Variants in GFPT2 observed in about 807,000 individuals in gnomAD.
GFPT2 encodes glutamine--fructose-6-phosphate transaminase 2, also known as glutamine--fructose-6-phosphate aminotransferase [isomerizing] 2.
GFPT2 carries 62 observed loss-of-function variants against 85.6 expected under a neutral mutation model. That is an observed-to-expected ratio of 0.72 (90% CI 0.59 to 0.90). The LOEUF (loss-of-function observed/expected upper bound fraction) is 0.90, where lower values mean the gene tolerates loss of function less well. Ranked by LOEUF, GFPT2 falls within the 40% of genes least tolerant of loss-of-function variation. The pLI is 0.00. For missense variants in GFPT2, 788 were observed against 893.4 expected, an observed-to-expected ratio of 0.88 and a Z score of 1.50; for synonymous variants, 368 against 344.5, an observed-to-expected ratio of 1.07 and a Z score of -0.75.
chr5:180,349,065 G>A (rs1376999267), intron 1 of GFPT2, among the ~76,000 whole-genome samples: 1 of 150,700 alleles, frequency 6.6e-6, no homozygotes, highest in East Asian at 2.0e-4. Flanking sequence ...TAGAAAAGTT[G>A]CCAGTGTCCC....
intron 17 of GFPT2, among the ~76,000 whole-genome samples, chr5:180,303,709 C>T (rs1200380376): frequency 1.3e-5 from 2 of 152,204 alleles, no homozygotes; most frequent in Non-Finnish European, 2.9e-5. Context: ...CCTCCTACCT[C>T]AGGGCAGCTG....
In GFPT2 at chr5:180,331,560, G is replaced by T. The variant is rs186757822; in HGVS notation, c.341-7C>A. ...TTGTGGATGACAACAAATTCTGAAA[G>T]AAAAGTTAAGAGAGAAATGCTATTG... is the stretch of plus-strand genomic sequence containing the variant. On this transcript the variant is annotated splice_region_variant and splice_polypyrimidine_tract_variant and intron_variant, in intron 4 of 18. Transcript: ENST00000253778. 359 of 1,524,226 alleles carry T rather than the reference G, an allele frequency of 2.4e-4. 3 individuals carry two copies. The African/African-American group carries it at 3.5e-3, about 15-fold the overall frequency. 94.4% of individuals were successfully genotyped at this position (1,524,226 alleles called of 1,614,324 possible). A position where few individuals can be genotyped will look rare whatever the true frequency, so the allele number is the denominator to read the frequency against.
chr5:180,307,166 G>A lies in GFPT2; in HGVS notation c.1674+10C>T, dbSNP rs1442987727. 4 of 1,551,854 alleles carry A rather than the reference G, an allele frequency of 2.6e-6. No individual in the cohort carries two copies. Among genetic ancestry groups the A allele is most frequent in the East Asian group, 2.4e-5 (1 of 41,578 alleles). On this transcript the variant is annotated intron_variant, in intron 16 of 18. Coordinates refer to ENST00000253778, the MANE Select transcript of GFPT2 (RefSeq NM_005110.4). ...CTCCGTGGGGGTGGGGGCTGGGGGT[G>A]GGGGCTCACCAGGGCTCCTTCCAGG...
rs188372087 is a variant in GFPT2 at position 180,308,227 on chromosome 5, G to T, written c.1547-924C>A. Among the ~76,000 whole-genome samples the T allele has an allele frequency of 8.6e-5, 13 of 151,534 alleles. No homozygotes were observed. The East Asian group carries it at 2.5e-3, about 29-fold the overall frequency. ...GCTGAGATGGCACCACGGCACTCCA[G>T]CCTGGGCAACAGAGCGAGACTCCAT... is the stretch of plus-strand genomic sequence containing the variant. On this transcript the variant is annotated intron_variant, in intron 15 of 18. Transcript: ENST00000253778.
chr5:180,327,760 G>A lies in GFPT2; in HGVS notation c.596+517C>T, dbSNP rs151168782. Among the ~76,000 whole-genome samples, 44 of 152,228 alleles carry A rather than the reference G, an allele frequency of 2.9e-4. No individual in the cohort carries two copies. In the East Asian group the frequency reaches 6.2e-3, roughly 21 times the overall value. On this transcript the variant is annotated intron_variant, in intron 7 of 18. Transcript: ENST00000253778. Reference sequence around the variant, plus strand: ...ATCCATGCAGCACTGGGGGCCCACCGTAACAGAGGGACACATTGGGGCAAG... The same window carrying A: ...ATCCATGCAGCACTGGGGGCCCACCATAACAGAGGGACACATTGGGGCAAG...
intron 12 of GFPT2, 117 bp from the exon 13 acceptor site, chr5:180,316,578 G>T: frequency 8.5e-7 from 1 of 1,179,070 alleles, no homozygotes; most frequent in Non-Finnish European, 1.2e-6. Context: ...CAGGTGGCGA[G>T]GGGACTTCGG....
Position 180,331,055 on chromosome 5 carries a change from A to G in GFPT2, c.400-221T>C, listed in dbSNP as rs777476029. 89 of 554,768 alleles carry G rather than the reference A, an allele frequency of 1.6e-4. No homozygotes were observed. The Middle Eastern group carries it at 2.3e-3, about 14-fold the overall frequency. 34.4% of individuals were successfully genotyped at this position (554,768 alleles called of 1,614,324 possible). ...CCCACCTCAGAAGCTCACCCTTGCCACTAATCTGGACATTGCAAAATAACA... is the reference window on the plus strand; with the variant it reads ...CCCACCTCAGAAGCTCACCCTTGCCGCTAATCTGGACATTGCAAAATAACA... On this transcript the variant is annotated intron_variant, in intron 5 of 18. Coordinates refer to ENST00000253778, the MANE Select transcript of GFPT2 (RefSeq NM_005110.4).
Position 180,310,509 on chromosome 5 carries a change from C to T in GFPT2, c.1546+1921G>A, listed in dbSNP as rs1405887058. 2.0e-5 allele frequency among the ~76,000 whole-genome samples: 3 copies of T among 151,832 alleles called. No homozygotes were observed. In the South Asian group the frequency reaches 6.2e-4, roughly 32 times the overall value. ...CACTGCAACCTCTGCCTCCTGGGTT[C>T]AAGTGATTTTCCTGCCTCAGCCTCC... On this transcript the variant is annotated intron_variant, in intron 15 of 18. Transcript: ENST00000253778.
chr5:180,305,713 G>A (rs1438685675), intron 16 of GFPT2, among the ~76,000 whole-genome samples: 2 of 152,194 alleles, frequency 1.3e-5, no homozygotes, highest in African/African-American at 2.4e-5. Context: ...TCTCCCGCCA[G>A]CACGTTCAGC....
At position 180,313,852 on chromosome 5, in the gene GFPT2, G is replaced by A; in HGVS notation, c.1386C>T (p.Gly462=). ...TCTCCGGCCCTGCGTTGATGTGGAC[G>A]CCGCAGTCGGTCTCGCGAGAGATGG... The part of the protein sequence containing the change: ...GSSISRETDC[G]VHINAGPEIG... The change falls in exon 14 of 19, where the codon GGC becomes GGT. Residue 462 remains glycine, a synonymous_variant. Coordinates refer to ENST00000253778, the MANE Select transcript of GFPT2 (RefSeq NM_005110.4). 6.3e-7 allele frequency: 1 copy of A among 1,597,094 alleles called. No individual in the cohort carries two copies. Among genetic ancestry groups the A allele is most frequent in the East Asian group, 2.3e-5 (1 of 44,398 alleles).
At chr5:180,322,221 G>C (rs1764134538) in intron 9 of GFPT2, among the ~76,000 whole-genome samples, 1 of 151,962 alleles carries the variant, frequency 6.6e-6, no homozygotes, top group Non-Finnish European at 1.5e-5. Context: ...TACTCTGGAA[G>C]CTGAGGCAGG....
intron 1 of GFPT2, among the ~76,000 whole-genome samples, chr5:180,344,354 A>T (rs1363276987): frequency 2.0e-5 from 3 of 152,104 alleles, no homozygotes; most frequent in Non-Finnish European, 2.9e-5. Flanking sequence ...GATGGTTAAG[A>T]CATTTCACCG....
intron 2 of GFPT2, among the ~76,000 whole-genome samples, chr5:180,337,678 G>A (rs569586195): frequency 7.9e-6 from 1 of 126,974 alleles, no homozygotes; most frequent in Non-Finnish European, 1.6e-5. Flanking sequence ...ACTGAGGCAG[G>A]GCTGACAAAC....
At chr5:180,319,648 G>A (rs1219750885) in intron 9 of GFPT2, among the ~76,000 whole-genome samples, 1 of 152,198 alleles carries the variant, frequency 6.6e-6, no homozygotes, top group Non-Finnish European at 1.5e-5. Context: ...GGATAAGGCT[G>A]GCAACACTCA....
At chr5:180,331,956 A>C (rs1258900395) in intron 4 of GFPT2, among the ~76,000 whole-genome samples, 2 of 152,234 alleles carry the variant, frequency 1.3e-5, no homozygotes, top group African/African-American at 2.4e-5. Context: ...CTTTAGGCAC[A>C]AAGAGGTCGC....
chr5:180,315,179 TTC>T (rs1763977619), intron 13 of GFPT2, among the ~76,000 whole-genome samples: 1 of 151,162 alleles, frequency 6.6e-6, no homozygotes, highest in African/African-American at 2.5e-5. Context: ...GTTTTTCTTT[TTC>T]TTTTTTTTTT....
chr5:180,342,205 C>T (rs569711919), intron 1 of GFPT2, among the ~76,000 whole-genome samples: 2 of 152,232 alleles, frequency 1.3e-5, no homozygotes, highest in Admixed American at 6.5e-5. Context: ...CTCTTTCTTT[C>T]GTAAATTGCC....
rs1369517305 is a variant in GFPT2, at chr5:180,300,848, T to C, written c.*716A>G. 1.3e-5 allele frequency: 2 copies of C among 152,736 alleles called. No homozygotes were observed. Among genetic ancestry groups the C allele is most frequent in the East Asian group, 3.9e-4 (2 of 5,190 alleles). 9.5% of individuals were successfully genotyped at this position (152,736 alleles called of 1,614,324 possible). ...TATGGGCAAGGAGCAGGGACCAAAA[T>C]GCTGCCAGGGCTTAAAAAGAGCCGT... On this transcript the variant is annotated 3_prime_UTR_variant, in exon 19 of 19. Transcript: ENST00000253778.
intron 15 of GFPT2, among the ~76,000 whole-genome samples, chr5:180,309,816 CTTT>C (rs34016478): frequency 6.9e-6 from 1 of 145,726 alleles, no homozygotes. Flanking sequence ...AAGGCCATTC[CTTT>C]TTTTTTTTTG....
Sources: allele counts gnomAD v4.1 joint callset (sites outside exome capture counted in the v4.1 genomes callset), GRCh38; gene constraint gnomAD v4.1.1; transcripts MANE v1.5; gene names NCBI Gene and HGNC (gene_info 2026-07-23, HGNC 2026-07-21).